The following ASIC2 variants were observed in gnomAD, a reference collection of about 807,000 sequenced individuals.
ASIC2 encodes acid sensing ion channel subunit 2.
In ASIC2, 25 loss-of-function variants were observed where a neutral mutation model predicts 57.3. The ratio of observed to expected loss-of-function variants is 0.44; its 90% CI spans 0.32 to 0.61. The LOEUF (loss-of-function observed/expected upper bound fraction) is 0.61, where lower values mean the gene tolerates loss of function less well. ASIC2 is among the 20% of genes least tolerant of loss of function. ASIC2 has a pLI of 0.06. For synonymous variants in ASIC2, 319 were observed against 307.5 expected, an observed-to-expected ratio of 1.04 and a Z score of -0.39; for missense variants, 641 against 738.1, an observed-to-expected ratio of 0.87 and a Z score of 1.52.
chr17:34,078,206 G>A (rs1425612417), intron 1 of ASIC2, among the ~76,000 whole-genome samples: 1 of 152,124 alleles, frequency 6.6e-6, no homozygotes, highest in Non-Finnish European at 1.5e-5. Context: ...ACTATTTGCT[G>A]CAAACCTGCC....
chr17:33,372,925 T>C (rs1425161589), intron 1 of ASIC2, among the ~76,000 whole-genome samples: 1 of 152,290 alleles, frequency 6.6e-6, no homozygotes, highest in East Asian at 1.9e-4. Flanking sequence ...AGGAGAGTTC[T>C]CTTTTCTCTC....
chr17:33,630,409 A>G (rs776878022), intron 1 of ASIC2, among the ~76,000 whole-genome samples: 5 of 152,138 alleles, frequency 3.3e-5, no homozygotes, highest in Non-Finnish European at 5.9e-5. Context: ...TGCCAACTCC[A>G]TAAAGCCTTT....
intron 1 of ASIC2, among the ~76,000 whole-genome samples, chr17:33,823,645 G>A (rs991735189): frequency 9.2e-5 from 14 of 152,172 alleles, no homozygotes; most frequent in African/African-American, 2.2e-4. Flanking sequence ...TCCTTCATTC[G>A]CCAAACCTTT....
At position 33,613,402 on chromosome 17, in the gene ASIC2, T is replaced by C. The variant is rs556417750; in HGVS notation, c.556-501335A>G. ...TTTTTTTTTTTTCCTTCCTGCTCTG[T>C]AGCCCAGACTGGAGTGCAGTGTTGC... On this transcript the variant is annotated intron_variant, in intron 1 of 9. Coordinates refer to the ASIC2 transcript ENST00000359872. Among the ~76,000 whole-genome samples, 165 of 149,008 alleles carry C rather than the reference T, an allele frequency of 1.1e-3. 1 individual carries two copies. The highest frequency in any genetic ancestry group is 6.9e-3 in the Middle Eastern group (2 of 288).
chr17:33,123,567 C>T lies in ASIC2; in HGVS notation c.709-11500G>A, dbSNP rs941779193. Among the ~76,000 whole-genome samples the T allele has an allele frequency of 2.6e-5, 4 of 152,132 alleles. No homozygotes were observed. The East Asian group carries it at 7.7e-4, about 29-fold the overall frequency. ...TTCTAACTGCTGCATGCTGAATTTA[C>T]GGGAATACCTGCCTGCTTGGTTTTC... is the stretch of plus-strand genomic sequence containing the variant. On this transcript the variant is annotated intron_variant, in intron 1 of 9. Transcript: ENST00000225823.
At chr17:33,346,542 A>G (rs920215531) in intron 1 of ASIC2, among the ~76,000 whole-genome samples, 3 of 152,200 alleles carry the variant, frequency 2.0e-5, no homozygotes, top group South Asian at 2.1e-4. Flanking sequence ...GCTCGTGCAC[A>G]TGTGCCTGTG....
At chr17:34,090,219 T>C (rs949882207) in intron 1 of ASIC2, among the ~76,000 whole-genome samples, 2 of 152,180 alleles carry the variant, frequency 1.3e-5, no homozygotes, top group African/African-American at 4.8e-5. Context: ...TTAAGCATCC[T>C]TGTCCTTCTT....
intron 1 of ASIC2, among the ~76,000 whole-genome samples, chr17:33,957,106 G>C (rs9894918): frequency 0.3 from 46,276 of 152,152 alleles, 7,257 homozygotes; most frequent in Middle Eastern, 0.35. Flanking sequence ...GGTTGGTAAT[G>C]ACCTCCAGGA....
At chr17:33,942,466 A>T (rs1373324773) in intron 1 of ASIC2, among the ~76,000 whole-genome samples, 2 of 152,210 alleles carry the variant, frequency 1.3e-5, no homozygotes, top group African/African-American at 4.8e-5. Context: ...CCAATGGAAG[A>T]GCCAAGGCCA....
intron 1 of ASIC2, among the ~76,000 whole-genome samples, chr17:33,750,557 T>G (rs1393202283): frequency 4.6e-5 from 7 of 152,118 alleles, no homozygotes; most frequent in Non-Finnish European, 1.0e-4. Context: ...GGCCCTACAT[T>G]TAATAACAGG....
chr17:33,770,260 A>G (rs1911054934), intron 1 of ASIC2, among the ~76,000 whole-genome samples: 1 of 152,230 alleles, frequency 6.6e-6, no homozygotes. Context: ...TAAATAATTC[A>G]GAGCAAGCCT....
intron 1 of ASIC2, among the ~76,000 whole-genome samples, chr17:33,488,458 CT>C (rs1913647141): frequency 6.6e-6 from 1 of 152,058 alleles, no homozygotes; most frequent in Admixed American, 6.6e-5. Context: ...GTGAAAGATT[CT>C]TTTTTATTTT....
intron 1 of ASIC2, among the ~76,000 whole-genome samples, chr17:33,521,958 G>C (rs55973454): frequency 6.6e-6 from 1 of 152,074 alleles, no homozygotes; most frequent in African/African-American, 2.4e-5. Flanking sequence ...ACTGCGGGCA[G>C]TGTGGTTCAG....
chr17:33,901,022 A>G (rs1014751975), intron 1 of ASIC2, among the ~76,000 whole-genome samples: 2 of 152,188 alleles, frequency 1.3e-5, no homozygotes, highest in East Asian at 3.8e-4. Context: ...ATTAGGCTCA[A>G]ACAAACTCAG....
chr17:33,546,836 G>A (rs947733419), intron 1 of ASIC2, among the ~76,000 whole-genome samples: 1 of 152,146 alleles, frequency 6.6e-6, no homozygotes, highest in Admixed American at 6.5e-5. Flanking sequence ...CTCACTCCCA[G>A]CTCCTCCTGC....
intron 1 of ASIC2, among the ~76,000 whole-genome samples, chr17:33,491,298 G>T (rs181295203): frequency 6.6e-6 from 1 of 152,108 alleles, no homozygotes; most frequent in African/African-American, 2.4e-5. Flanking sequence ...TCCTCCCCTC[G>T]GCTCTAACAT....
intron 1 of ASIC2, among the ~76,000 whole-genome samples, chr17:33,267,085 A>C (rs1255652459): frequency 6.6e-6 from 1 of 152,126 alleles, no homozygotes; most frequent in East Asian, 1.9e-4. Context: ...ACATGGGTAG[A>C]AGTTTGGTTA....
At chr17:34,118,069 T>C (rs1029296175) in intron 1 of ASIC2, among the ~76,000 whole-genome samples, 3 of 152,174 alleles carry the variant, frequency 2.0e-5, no homozygotes, top group Non-Finnish European at 2.9e-5. Flanking sequence ...CTCATTTTCA[T>C]GTGTCATGGT....
At chr17:33,073,532 G>A (rs560323984) in intron 3 of ASIC2, among the ~76,000 whole-genome samples, 41 of 152,276 alleles carry the variant, frequency 2.7e-4, no homozygotes, top group Non-Finnish European at 1.6e-4. Context: ...GCTGTGATGA[G>A]GCAGCCTGGA....
Sources: gnomAD v4.1 joint callset for allele counts (sites outside exome capture counted in the v4.1 genomes callset) on GRCh38, gnomAD v4.1.1 for gene constraint, MANE v1.5 for transcripts, NCBI Gene and HGNC (gene_info 2026-07-23, HGNC 2026-07-21) for gene names.